MACROD1: variants seen among roughly 807,000 people sequenced by gnomAD.
MACROD1 encodes ADP-ribose glycohydrolase MACROD1.
In MACROD1, 31 loss-of-function variants were observed where a neutral mutation model predicts 41.4. The ratio of observed to expected loss-of-function variants is 0.75; its 90% confidence interval spans 0.56 to 1.01. The LOEUF is 1.01. Among genes scored for constraint, MACROD1 ranks in the 50% least tolerant of loss-of-function variants. The pLI is 0.00. For missense variants in MACROD1, 473 were observed against 460.0 expected (o/e 1.03, Z -0.26); for synonymous variants, 252 against 203.4 (o/e 1.24, Z -2.03).
In MACROD1 at chr11:64,012,164, G is replaced by A. The variant is rs181539994; in HGVS notation, c.547+3088C>T. The stretch of plus-strand genomic sequence containing the variant: ...CTCCATCAGTCAGGTTGTGTGAGAG[G>A]CCTGTGCCAGCCGCTCCGCACCCCT... On this transcript the variant is annotated intron_variant, in intron 4 of 10. Coordinates refer to ENST00000255681, the MANE Select transcript of MACROD1 (RefSeq NM_014067.4). 2.0e-4 allele frequency among the ~76,000 whole-genome samples: 30 copies of A among 152,234 alleles called. No homozygotes were observed. The East Asian group carries it at 5.8e-3, about 29-fold the overall frequency.
intron 3 of MACROD1, among the ~76,000 whole-genome samples, chr11:64,102,263 G>A (rs913484299): frequency 1.3e-5 from 2 of 152,222 alleles, no homozygotes; most frequent in Admixed American, 6.5e-5. Flanking sequence ...ACTAATGAGA[G>A]GTGCTGGGGA....
chr11:64,028,545 C>T (rs1312016096), intron 3 of MACROD1, among the ~76,000 whole-genome samples: 5 of 152,232 alleles, frequency 3.3e-5, no homozygotes, highest in Non-Finnish European at 7.4e-5. Flanking sequence ...GAGGCCCGGC[C>T]TCAGCCCCTC....
At chr11:64,059,025 C>A (rs1484405936) in intron 3 of MACROD1, among the ~76,000 whole-genome samples, 2 of 152,164 alleles carry the variant, frequency 1.3e-5, no homozygotes, top group Admixed American at 6.5e-5. Flanking sequence ...CTGAGGAGTG[C>A]CTGATGCTCT....
chr11:64,156,825 G>T (rs1253065315), intron 1 of MACROD1, among the ~76,000 whole-genome samples: 2 of 152,148 alleles, frequency 1.3e-5, no homozygotes, highest in African/African-American at 4.8e-5. Flanking sequence ...CTAGTCTATG[G>T]ACCCAAGTGC....
intron 4 of MACROD1, among the ~76,000 whole-genome samples, chr11:64,014,106 C>T (rs1360404508): frequency 1.3e-5 from 2 of 152,140 alleles, no homozygotes; most frequent in Non-Finnish European, 2.9e-5. Flanking sequence ...GCACCCAGCT[C>T]GGGGCCCGGC....
chr11:64,137,255 A>G (rs902761670), intron 3 of MACROD1, among the ~76,000 whole-genome samples: 1 of 152,180 alleles, frequency 6.6e-6, no homozygotes. Context: ...GGGAGTCGAC[A>G]GTGACAAATA....
chr11:64,037,605 G>A (rs1943406963), intron 3 of MACROD1, among the ~76,000 whole-genome samples: 1 of 152,152 alleles, frequency 6.6e-6, no homozygotes, highest in African/African-American at 2.4e-5. Context: ...AAGAGCTGAG[G>A]GCTGTCACAT....
At chr11:64,060,736 C>T (rs1275381893) in intron 3 of MACROD1, 1 of 152,212 alleles carries the variant, frequency 6.6e-6, no homozygotes, top group East Asian at 1.9e-4. Context: ...AGCTCTGTGC[C>T]GAGCCCACTG....
chr11:64,073,052 C>T (rs1280297166), intron 3 of MACROD1, among the ~76,000 whole-genome samples: 1 of 152,192 alleles, frequency 6.6e-6, no homozygotes, highest in Non-Finnish European at 1.5e-5. Flanking sequence ...AGGCCCAGCT[C>T]CTGACGGCAC....
rs773117945 is a variant in MACROD1 at position 63,999,500 on chromosome 11, T to G, written c.817+30A>C. ...CCCGGCGTCTGGGTCCACCGCCCAC[T>G]CCTGGTCCTTGCCTTTCTTCCAGAC... On this transcript the variant is annotated intron_variant, in intron 7 of 10. Coordinates refer to ENST00000255681, the MANE Select transcript of MACROD1 (RefSeq NM_014067.4). The G allele has an allele frequency of 1.4e-5, 23 of 1,596,740 alleles. No homozygotes were observed. The Admixed American group carries it at 3.8e-4, about 27-fold the overall frequency.
At position 63,998,832 on chromosome 11, in the gene MACROD1, G is replaced by C. The variant is rs768761068; in HGVS notation, c.*30+6C>G. 5 of 1,567,400 alleles carry C rather than the reference G, an allele frequency of 3.2e-6. No homozygotes were observed. The highest frequency in any genetic ancestry group is 1.8e-5 in the Admixed American group (1 of 54,290). ...GGGCCGCCGCACGGGGCGAGGCCCT[G>C]CTTACCAGTCCCGGTCAGGGTGGGC... On this transcript the variant is annotated splice_donor_region_variant and intron_variant, in intron 10 of 10. Transcript: ENST00000255681.
rs149998858 is a variant in MACROD1 at position 64,158,942 on chromosome 11, T to G, written c.299-6549A>C. Among the ~76,000 whole-genome samples, 490 of 152,122 alleles carry G rather than the reference T, an allele frequency of 3.2e-3. 1 individual carries two copies. Among genetic ancestry groups the G allele is most frequent in the African/African-American group, 0.01 (419 of 41,496 alleles). On this transcript the variant is annotated intron_variant, in intron 1 of 10. Transcript: ENST00000255681. ...GACTCACGCCTGTAATCCCAGCACTTTGGGAGGCTGAGGTGGGTGGATTGC... is the reference window on the plus strand; with the variant it reads ...GACTCACGCCTGTAATCCCAGCACTGTGGGAGGCTGAGGTGGGTGGATTGC...
intron 3 of MACROD1, among the ~76,000 whole-genome samples, chr11:64,124,826 G>A (rs373979063): frequency 6.6e-5 from 10 of 152,086 alleles, no homozygotes; most frequent in African/African-American, 2.2e-4. Context: ...GATTACAGGC[G>A]TGTGCCACCA....
chr11:64,069,797 C>T (rs1023823338), intron 3 of MACROD1, among the ~76,000 whole-genome samples: 2 of 152,204 alleles, frequency 1.3e-5, no homozygotes, highest in African/African-American at 4.8e-5. Context: ...CCACTGCAGA[C>T]GCAGCAGACG....
chr11:64,057,146 T>C (rs1025617668), intron 3 of MACROD1, among the ~76,000 whole-genome samples: 3 of 152,188 alleles, frequency 2.0e-5, no homozygotes, highest in Admixed American at 6.5e-5. Flanking sequence ...TGGACCCGGG[T>C]GCCCCTGTGC....
At chr11:64,041,199 TAAAAAAAAA>T (rs71045724) in intron 3 of MACROD1, among the ~76,000 whole-genome samples, 19 of 21,602 alleles carry the variant, frequency 8.8e-4, no homozygotes, top group East Asian at 2.5e-3. Flanking sequence ...TAGCAAACTG[TAAAAAAAAA>T]AAAAAAAAAA....
intron 3 of MACROD1, among the ~76,000 whole-genome samples, chr11:64,054,796 C>T (rs1217879038): frequency 1.3e-5 from 2 of 152,106 alleles, no homozygotes; most frequent in Non-Finnish European, 2.9e-5. Context: ...CTGTGTCACT[C>T]ATCTTGTCTC....
At chr11:64,035,754 C>T (rs1172544025) in intron 3 of MACROD1, among the ~76,000 whole-genome samples, 1 of 147,290 alleles carries the variant, frequency 6.8e-6, no homozygotes, top group Non-Finnish European at 1.5e-5. Context: ...CCTCCCCGCT[C>T]CGCGCCTGCA....
chr11:64,125,974 C>A (rs923425181), intron 3 of MACROD1, among the ~76,000 whole-genome samples: 1 of 152,216 alleles, frequency 6.6e-6, no homozygotes, highest in Non-Finnish European at 1.5e-5. Flanking sequence ...GATGCGGGGC[C>A]GCCACCAGTT....
Sources: gnomAD v4.1 joint callset for allele counts (sites outside exome capture counted in the v4.1 genomes callset) on GRCh38, gnomAD v4.1.1 for gene constraint, MANE v1.5 for transcripts, NCBI Gene and HGNC (gene_info 2026-07-23, HGNC 2026-07-21) for gene names.